The following F13A1 variants were observed in gnomAD, a reference collection of about 807,000 sequenced individuals.
F13A1 encodes the protein FSF, A subunit.
A neutral mutation model predicts 80.1 loss-of-function variants in F13A1; 47 were observed. The ratio of observed to expected loss-of-function variants is 0.59; its 90% confidence interval spans 0.46 to 0.75. F13A1 has a LOEUF of 0.75. Among genes scored for constraint, F13A1 ranks in the 30% least tolerant of loss-of-function variants. F13A1 has a pLI of 0.00. For synonymous variants in F13A1, 349 were observed against 344.9 expected, an observed-to-expected ratio of 1.01 and a Z score of -0.13; for missense variants, 817 against 930.4, an observed-to-expected ratio of 0.88 and a Z score of 1.59.
At chr6:6,173,852 A>G (rs1760824339) in intron 12 of F13A1, among the ~76,000 whole-genome samples, 1 of 152,164 alleles carries the variant, frequency 6.6e-6, no homozygotes, top group Non-Finnish European at 1.5e-5. Context: ...TCCATGCTCC[A>G]CAAACTCTCC....
intron 3 of F13A1, among the ~76,000 whole-genome samples, chr6:6,285,631 T>A (rs1219171228): frequency 6.6e-6 from 1 of 152,182 alleles, no homozygotes; most frequent in East Asian, 1.9e-4. Flanking sequence ...AGTAAATACC[T>A]ATGCTACAGT....
At chr6:6,305,910 C>T (rs1758506398) in intron 2 of F13A1, among the ~76,000 whole-genome samples, 1 of 152,204 alleles carries the variant, frequency 6.6e-6, no homozygotes, top group Non-Finnish European at 1.5e-5. Context: ...CATCATGTCA[C>T]TGCCTCACTC....
Position 6,250,166 on chromosome 6 carries a change from G to T in F13A1, c.690+645C>A, listed in dbSNP as rs990664188. On this transcript the variant is annotated intron_variant, in intron 5 of 14. Coordinates refer to ENST00000264870, the MANE Select transcript of F13A1 (RefSeq NM_000129.4). This position sits in a 1 kb window ranked among gnomAD's most constrained non-coding sequence, Gnocchi z 4.2. ...TGTGTCGCTAATTAAAAATCATTTT[G>T]AAATCACAGGACATGCATTCATTTA... Among the ~76,000 whole-genome samples, 3 of 152,100 alleles carry T rather than the reference G, an allele frequency of 2.0e-5. No individual in the cohort carries two copies. The highest frequency in any genetic ancestry group is 4.8e-5 in the African/African-American group (2 of 41,408).
chr6:6,203,625 C>A (rs1761437484), intron 8 of F13A1, among the ~76,000 whole-genome samples: 1 of 152,178 alleles, frequency 6.6e-6, no homozygotes, highest in African/African-American at 2.4e-5. Context: ...ACAGTCCCAG[C>A]CAACACTGAT....
intron 8 of F13A1, among the ~76,000 whole-genome samples, chr6:6,221,544 C>G (rs971125204): frequency 9.2e-5 from 14 of 152,276 alleles, no homozygotes; most frequent in South Asian, 2.1e-4. Context: ...CTTTTTGGGC[C>G]TCAGTTTCCT....
intron 3 of F13A1, among the ~76,000 whole-genome samples, chr6:6,275,894 C>A (rs1309002349): frequency 6.6e-6 from 1 of 152,196 alleles, no homozygotes; most frequent in East Asian, 1.9e-4. Flanking sequence ...TAAGAGAAGA[C>A]AGGATATTTT....
chr6:6,193,143 C>A (rs1333349479), intron 10 of F13A1, among the ~76,000 whole-genome samples: 1 of 151,970 alleles, frequency 6.6e-6, no homozygotes, highest in Non-Finnish European at 1.5e-5. Context: ...TGGCAGAAAC[C>A]CAGAAATGTG....
Position 6,300,327 on chromosome 6 carries a change from G to A in F13A1, c.319+5024C>T, listed in dbSNP as rs576534701. 6.6e-5 allele frequency among the ~76,000 whole-genome samples: 10 copies of A among 150,974 alleles called. No homozygotes were observed. The South Asian group carries it at 1.2e-3, about 19-fold the overall frequency. On this transcript the variant is annotated intron_variant, in intron 3 of 14. Transcript: ENST00000264870. ...TAAGCAAGCCTGGGCAATGGCGGGCGCCCCTCCCCCAGCCTCTCTGCCGCC... is the reference window on the plus strand; with the variant it reads ...TAAGCAAGCCTGGGCAATGGCGGGCACCCCTCCCCCAGCCTCTCTGCCGCC...
intron 2 of F13A1, among the ~76,000 whole-genome samples, chr6:6,315,441 A>AT (rs3024337): frequency 9.9e-5 from 15 of 151,474 alleles, no homozygotes; most frequent in South Asian, 4.2e-4. Context: ...CAAATATTTC[A>AT]TTTTTTTTTT....
chr6:6,304,668 C>G (rs1261255767), intron 3 of F13A1, among the ~76,000 whole-genome samples: 4 of 151,894 alleles, frequency 2.6e-5, no homozygotes, highest in Non-Finnish European at 5.9e-5. Context: ...GCGAAACCAG[C>G]CTGGACAACA....
intron 9 of F13A1, among the ~76,000 whole-genome samples, chr6:6,196,899 G>A (rs994293984): frequency 1.3e-5 from 2 of 152,164 alleles, no homozygotes; most frequent in African/African-American, 4.8e-5. Flanking sequence ...ACCACAAAGG[G>A]CTGAAGTATA....
chr6:6,210,809 A>C (rs957467942), intron 8 of F13A1, among the ~76,000 whole-genome samples: 2 of 151,860 alleles, frequency 1.3e-5, no homozygotes, highest in African/African-American at 4.8e-5. Context: ...GCTTACTGCA[A>C]CCTCTGTCTC....
chr6:6,228,648 C>T (rs181901546), intron 6 of F13A1, among the ~76,000 whole-genome samples: 129 of 148,228 alleles, frequency 8.7e-4, no homozygotes, highest in Non-Finnish European at 1.4e-3. Flanking sequence ...GCAGGAGAAT[C>T]GCTTGAACCG....
At chr6:6,177,518 G>C (rs1194072473) in intron 11 of F13A1, among the ~76,000 whole-genome samples, 1 of 152,222 alleles carries the variant, frequency 6.6e-6, no homozygotes, top group South Asian at 2.1e-4. Flanking sequence ...CTGAAGGATT[G>C]AGGTTTGGAG....
intron 3 of F13A1, among the ~76,000 whole-genome samples, chr6:6,303,462 GT>G (rs1203906762): frequency 1.3e-5 from 2 of 152,130 alleles, no homozygotes; most frequent in Non-Finnish European, 2.9e-5. Flanking sequence ...AATATGTGAT[GT>G]TTTGATCAAA....
intron 10 of F13A1, among the ~76,000 whole-genome samples, chr6:6,182,865 C>T (rs1346598351): frequency 6.6e-6 from 1 of 152,166 alleles, no homozygotes; most frequent in Admixed American, 6.5e-5. Context: ...AGTTCTGCTA[C>T]TTGAAGCCAA....
intron 8 of F13A1, among the ~76,000 whole-genome samples, chr6:6,213,321 AG>A (rs1761655617): frequency 6.6e-6 from 1 of 152,138 alleles, no homozygotes; most frequent in Non-Finnish European, 1.5e-5. Context: ...TCAGACTAAC[AG>A]CGGATCTCTC....
intron 6 of F13A1, among the ~76,000 whole-genome samples, chr6:6,244,137 A>G (rs941779854): frequency 1.1e-4 from 16 of 152,194 alleles, no homozygotes; most frequent in African/African-American, 2.9e-4. Context: ...TTATTCACAG[A>G]AACTTGGGGC....
In F13A1 at chr6:6,260,124, C is replaced by T. The variant is rs981301912; in HGVS notation, c.571+6434G>A. On this transcript the variant is annotated intron_variant, in intron 4 of 14. Coordinates refer to ENST00000264870, the MANE Select transcript of F13A1 (RefSeq NM_000129.4). ...GAAGGGTTTCCTCCCAGAATGGACCCGAAGCCCGGTTAGCACCACTAAACT... is the reference window on the plus strand; with the variant it reads ...GAAGGGTTTCCTCCCAGAATGGACCTGAAGCCCGGTTAGCACCACTAAACT... Among the ~76,000 whole-genome samples, 31 of 152,106 alleles carry T rather than the reference C, an allele frequency of 2.0e-4. 2 individuals are homozygous for T. Among genetic ancestry groups the T allele is most frequent in the Admixed American group, 1.6e-3 (25 of 15,264 alleles).
Sources: gnomAD v4.1 joint callset for allele counts (sites outside exome capture counted in the v4.1 genomes callset) on GRCh38, gnomAD v4.1.1 for gene constraint, Gnocchi (gnomAD v3.1) non-coding constraint, MANE v1.5 for transcripts, NCBI Gene and HGNC (gene_info 2026-07-23, HGNC 2026-07-21) for gene names.